Variants in FLI1 observed in about 807,000 individuals in gnomAD.
The protein encoded by FLI1 is Friend leukemia integration 1 transcription factor.
In FLI1, 13 loss-of-function variants were observed where a neutral mutation model predicts 53.1. The observed-to-expected ratio is 0.24, with a 90% CI of 0.16 to 0.39. FLI1 has a LOEUF of 0.39. Among genes scored for constraint, FLI1 ranks in the 10% least tolerant of loss-of-function variants. The pLI is 1.00. For missense variants in FLI1, 424 were observed against 600.5 expected (o/e 0.71, Z 3.07); for synonymous variants, 244 against 236.7 (o/e 1.03, Z -0.28).
At chr11:128,790,349 G>C (rs1942236693) in intron 5 of FLI1, among the ~76,000 whole-genome samples, 1 of 151,870 alleles carries the variant, frequency 6.6e-6, no homozygotes, top group African/African-American at 2.4e-5. Flanking sequence ...GAGATCGGGG[G>C]AGGAGGGAGA....
At chr11:128,805,302 G>A in intron 5 of FLI1, 64 bp from the exon 6 acceptor site, 1 of 938,728 alleles carries the variant, frequency 1.1e-6, no homozygotes. Context: ...TACAGATAAT[G>A]CTCATGCAAC....
chr11:128,738,407 C>G (rs970935177), intron 1 of FLI1, among the ~76,000 whole-genome samples: 1 of 152,214 alleles, frequency 6.6e-6, no homozygotes, highest in African/African-American at 2.4e-5. Flanking sequence ...ATGCAAAGCC[C>G]GAAGCCCTCT....
chr11:128,766,955 CT>C (rs1346258749), intron 2 of FLI1, among the ~76,000 whole-genome samples: 2 of 152,088 alleles, frequency 1.3e-5, no homozygotes, highest in Non-Finnish European at 2.9e-5. Flanking sequence ...ACAGCTTCTC[CT>C]TGGCCTTCCC....
In FLI1 at chr11:128,705,553, CAGG is replaced by C. The variant is rs374253339; in HGVS notation, c.18+11281_18+11283del. Among the ~76,000 whole-genome samples, 459 of 152,200 alleles carry C rather than the reference CAGG, an allele frequency of 3.0e-3. 1 individual carries two copies. The highest frequency in any genetic ancestry group is 0.01 in the African/African-American group (428 of 41,514). ...TTTTTTTTAAAAAACATAACAGATT[CAGG>C]AGGTTATATAAAACACAAAGAAGGG... is the stretch of plus-strand genomic sequence containing the variant. On this transcript the variant is annotated intron_variant, in intron 1 of 8. Coordinates refer to ENST00000527786, the MANE Select transcript of FLI1 (RefSeq NM_002017.5).
intron 5 of FLI1, among the ~76,000 whole-genome samples, chr11:128,790,267 C>CA (rs1565501821): frequency 3.5e-5 from 5 of 142,008 alleles, no homozygotes; most frequent in Non-Finnish European, 6.1e-5. Flanking sequence ...TTTTTTTTTT[C>CA]CACGAGAGAG....
intron 2 of FLI1, among the ~76,000 whole-genome samples, chr11:128,763,756 A>AG (rs5795641): frequency 0.016 from 2,454 of 152,300 alleles, 79 homozygotes; most frequent in East Asian, 0.091. Context: ...CTGGGTGGGG[A>AG]GGATACACAG....
At chr11:128,789,814 C>G (rs1942212029) in intron 5 of FLI1, among the ~76,000 whole-genome samples, 1 of 152,120 alleles carries the variant, frequency 6.6e-6, no homozygotes, top group Non-Finnish European at 1.5e-5. Context: ...AGGAAAAGGC[C>G]TGTAATACTG....
chr11:128,746,739 C>G (rs1373707599), intron 1 of FLI1, among the ~76,000 whole-genome samples: 1 of 152,136 alleles, frequency 6.6e-6, no homozygotes, highest in African/African-American at 2.4e-5. Context: ...AGCTTTTCTT[C>G]CAAACTTTCA....
chr11:128,797,940 A>C (rs1942490336), intron 5 of FLI1, among the ~76,000 whole-genome samples: 2 of 152,142 alleles, frequency 1.3e-5, no homozygotes, highest in South Asian at 2.1e-4. Flanking sequence ...AGAACTTTGA[A>C]AGCAAAGGAC....
intron 1 of FLI1, among the ~76,000 whole-genome samples, chr11:128,746,712 C>A (rs553516139): frequency 1.5e-4 from 23 of 152,240 alleles, no homozygotes; most frequent in Non-Finnish European, 3.2e-4. Flanking sequence ...GGAAGCACTG[C>A]AGTCACTCCC....
chr11:128,780,224 G>A (rs1189336119), intron 4 of FLI1, among the ~76,000 whole-genome samples: 4 of 152,190 alleles, frequency 2.6e-5, no homozygotes, highest in African/African-American at 9.7e-5. Flanking sequence ...CATACAGCGG[G>A]CTCAATACCA....
chr11:128,743,354 G>A (rs1468939978), intron 1 of FLI1, among the ~76,000 whole-genome samples: 4 of 150,676 alleles, frequency 2.7e-5, no homozygotes, highest in Non-Finnish European at 5.9e-5. Context: ...GCAGTGAGCC[G>A]TGATCATGCC....
chr11:128,749,831 A>C (rs1418918456), intron 1 of FLI1, among the ~76,000 whole-genome samples: 1 of 152,182 alleles, frequency 6.6e-6, no homozygotes, highest in Non-Finnish European at 1.5e-5. Flanking sequence ...AGTGGAAATG[A>C]GGAGCAAGAA....
intron 1 of FLI1, among the ~76,000 whole-genome samples, chr11:128,706,347 G>A (rs190181689): frequency 4.6e-5 from 7 of 152,246 alleles, no homozygotes; most frequent in Admixed American, 1.3e-4. Flanking sequence ...TCCATACAAC[G>A]TGGCCTCACT....
intron 1 of FLI1, among the ~76,000 whole-genome samples, chr11:128,717,086 G>A (rs569541862): frequency 2.0e-5 from 3 of 152,182 alleles, no homozygotes; most frequent in South Asian, 2.1e-4. Context: ...TGGTCCTACC[G>A]GCTTGGCTTC....
At chr11:128,747,916 G>T (rs1401811754) in intron 1 of FLI1, among the ~76,000 whole-genome samples, 4 of 152,164 alleles carry the variant, frequency 2.6e-5, no homozygotes, top group Non-Finnish European at 4.4e-5. Context: ...TTGCTTTTCA[G>T]CAGTAAAAGC....
In FLI1 at chr11:128,768,139, C is replaced by T. The variant is rs146694829; in HGVS notation, c.252C>T (p.Ser84=). Residue 84 remains serine (S), a synonymous_variant, in exon 3 of 9, where the codon AGC becomes AGT. Transcript: ENST00000527786. ...NGSRESPVDC[S]VSKCSKLVGG... is the part of the protein sequence containing the mutation. The stretch of plus-strand genomic sequence containing the variant: ...TTAGGGAGTCTCCGGTGGACTGCAG[C>T]GTTAGCAAATGCAGCAAGCTGGTGG... 17 of 1,613,296 alleles carry T rather than the reference C, an allele frequency of 1.1e-5. No homozygotes were observed. Among genetic ancestry groups the T allele is most frequent in the African/African-American group, 4.0e-5 (3 of 74,888 alleles).
chr11:128,812,744 G>C lies in FLI1; in HGVS notation c.*1756G>C, dbSNP rs950738040. 4.6e-6 allele frequency: 1 copy of C among 217,344 alleles called. No individual in the cohort carries two copies. The highest frequency in any genetic ancestry group is 5.8e-5 in the Admixed American group (1 of 17,240). 13.5% of individuals were successfully genotyped at this position (217,344 alleles called of 1,614,324 possible). On this transcript the variant is annotated 3_prime_UTR_variant, in exon 9 of 9. Coordinates refer to ENST00000527786, the MANE Select transcript of FLI1 (RefSeq NM_002017.5). ...AGATTTAACTCTGCAGCCTCCCCTG[G>C]GCACTTCAGACCCAGACGGCCACCT... is the stretch of plus-strand genomic sequence containing the variant.
intron 5 of FLI1, among the ~76,000 whole-genome samples, 165 bp downstream of exon 5, chr11:128,782,188 A>G (rs1189404011): frequency 6.6e-6 from 1 of 152,264 alleles, no homozygotes; most frequent in African/African-American, 2.4e-5. Flanking sequence ...CCAGTTGCAA[A>G]AATACAGTAA....
Sources: allele counts gnomAD v4.1 joint callset (sites outside exome capture counted in the v4.1 genomes callset), GRCh38; gene constraint gnomAD v4.1.1; transcripts MANE v1.5; gene names NCBI Gene and HGNC (gene_info 2026-07-23, HGNC 2026-07-21).